Variants in NSMCE2 observed in about 807,000 individuals in gnomAD.
The protein encoded by NSMCE2 is NSE2 SUMO ligase component of SMC5/6 complex.
Under a neutral mutation model 23.8 loss-of-function variants are expected in NSMCE2, and 24 were observed. That is an observed-to-expected ratio of 1.01 (90% CI 0.73 to 1.42). The LOEUF (loss-of-function observed/expected upper bound fraction) is 1.42. Among genes scored for constraint, NSMCE2 ranks in the 40% most tolerant of loss-of-function variants. The pLI is 0.00. For missense variants in NSMCE2, 284 were observed against 296.5 expected (o/e 0.96, Z 0.31); for synonymous variants, 92 against 94.1 (o/e 0.98, Z 0.13).
chr8:125,146,344 C>A (rs1052309719), intron 3 of NSMCE2, among the ~76,000 whole-genome samples: 2 of 152,172 alleles, frequency 1.3e-5, no homozygotes, highest in Non-Finnish European at 2.9e-5. Context: ...CCTTTGTGGC[C>A]TTGAGCAAGT....
chr8:125,322,976 T>A (rs1448980216), intron 5 of NSMCE2, among the ~76,000 whole-genome samples: 1 of 152,168 alleles, frequency 6.6e-6, no homozygotes. Context: ...GGAGAATCGC[T>A]TGAACCCAGG....
At position 125,357,837 on chromosome 8, in the gene NSMCE2, G is replaced by C; in HGVS notation, c.626+19G>C. The C allele has an allele frequency of 6.4e-7, 1 of 1,552,398 alleles. No individual in the cohort carries two copies. The highest frequency in any genetic ancestry group is 2.2e-5 in the East Asian group (1 of 44,606). ...AGGCCTAGTGAGTGGACGCAGGGAA[G>C]GAAGTGGAGCCTTCCCTAGTGGTAG... is the stretch of plus-strand genomic sequence containing the variant. On this transcript the variant is annotated intron_variant, in intron 7 of 7. Coordinates refer to ENST00000287437, the MANE Select transcript of NSMCE2 (RefSeq NM_173685.4).
intron 5 of NSMCE2, among the ~76,000 whole-genome samples, chr8:125,317,646 A>G (rs149269868): frequency 6.6e-5 from 10 of 152,342 alleles, no homozygotes; most frequent in Admixed American, 1.3e-4. Context: ...GCATAAGCCA[A>G]TGTGAACTCA....
At chr8:125,356,284 G>T (rs1174050980) in intron 5 of NSMCE2, among the ~76,000 whole-genome samples, 2 of 150,498 alleles carry the variant, frequency 1.3e-5, no homozygotes, top group African/African-American at 4.9e-5. Flanking sequence ...AATGTTTATG[G>T]TAACACGTAG....
At chr8:125,321,012 G>T (rs977768389) in intron 5 of NSMCE2, among the ~76,000 whole-genome samples, 1 of 152,048 alleles carries the variant, frequency 6.6e-6, no homozygotes, top group African/African-American at 2.4e-5. Context: ...TTCAACCACC[G>T]GATCTCACAA....
At chr8:125,175,400 G>A (rs1822435897) in intron 4 of NSMCE2, among the ~76,000 whole-genome samples, 1 of 152,144 alleles carries the variant, frequency 6.6e-6, no homozygotes, top group Non-Finnish European at 1.5e-5. Context: ...TAAAAAGTTG[G>A]CATACTTAGA....
At chr8:125,225,213 T>C (rs1201030757) in intron 5 of NSMCE2, among the ~76,000 whole-genome samples, 1 of 152,208 alleles carries the variant, frequency 6.6e-6, no homozygotes, top group East Asian at 1.9e-4. Flanking sequence ...TAAACCAGTA[T>C]TGGGTTTTGC....
intron 5 of NSMCE2, among the ~76,000 whole-genome samples, chr8:125,205,382 G>T (rs1357119027): frequency 1.3e-5 from 2 of 152,144 alleles, no homozygotes; most frequent in Non-Finnish European, 2.9e-5. Flanking sequence ...TTTAAATAGT[G>T]TACTAAATGG....
chr8:125,286,458 G>A (rs1563763976), intron 5 of NSMCE2, among the ~76,000 whole-genome samples: 1 of 151,128 alleles, frequency 6.6e-6, no homozygotes, highest in East Asian at 1.9e-4. Flanking sequence ...GATTACAGGC[G>A]CCCACCACCA....
intron 4 of NSMCE2, among the ~76,000 whole-genome samples, chr8:125,163,876 G>GA (rs1821746424): frequency 6.6e-6 from 1 of 152,052 alleles, no homozygotes. Context: ...AATAAAAAAG[G>GA]AAAAAAGAGG....
At chr8:125,136,166 G>C (rs1020166909) in intron 3 of NSMCE2, among the ~76,000 whole-genome samples, 5 of 152,002 alleles carry the variant, frequency 3.3e-5, no homozygotes, top group Non-Finnish European at 5.9e-5. Context: ...CCTGTTAATG[G>C]CCAGTGGAAG....
intron 5 of NSMCE2, among the ~76,000 whole-genome samples, chr8:125,340,049 C>G (rs1451487705): frequency 1.5e-5 from 2 of 129,564 alleles, no homozygotes; most frequent in Non-Finnish European, 3.1e-5. Flanking sequence ...GAGTCTCGCT[C>G]TGTGGCCCAG....
chr8:125,151,927 T>A (rs1171844035), intron 4 of NSMCE2, among the ~76,000 whole-genome samples: 1 of 152,224 alleles, frequency 6.6e-6, no homozygotes, highest in Non-Finnish European at 1.5e-5. Flanking sequence ...AAACTCCCTG[T>A]TGAACTGATT....
At chr8:125,104,896 G>A (rs1409682924) in intron 3 of NSMCE2, among the ~76,000 whole-genome samples, 1 of 152,188 alleles carries the variant, frequency 6.6e-6, no homozygotes, top group Non-Finnish European at 1.5e-5. Context: ...GGTGGAGGAT[G>A]CCAGTAGTCC....
chr8:125,108,963 TA>T (rs1481602820), intron 3 of NSMCE2, among the ~76,000 whole-genome samples: 1 of 152,136 alleles, frequency 6.6e-6, no homozygotes, highest in Non-Finnish European at 1.5e-5. Flanking sequence ...AAAAATATGG[TA>T]AGATCCAGTT....
intron 5 of NSMCE2, among the ~76,000 whole-genome samples, chr8:125,236,353 C>T (rs559600506): frequency 6.8e-6 from 1 of 146,376 alleles, no homozygotes; most frequent in South Asian, 2.3e-4. Context: ...TGTAAAAGGA[C>T]GAGTTGCAAA....
intron 4 of NSMCE2, among the ~76,000 whole-genome samples, chr8:125,163,820 A>G (rs1821742615): frequency 6.6e-6 from 1 of 152,238 alleles, no homozygotes; most frequent in African/African-American, 2.4e-5. Context: ...TCTGGAACAC[A>G]GTTTCCCACA....
At chr8:125,180,142 G>A (rs1822727494) in intron 4 of NSMCE2, among the ~76,000 whole-genome samples, 1 of 152,152 alleles carries the variant, frequency 6.6e-6, no homozygotes, top group South Asian at 2.1e-4. Flanking sequence ...GTTCTATTAT[G>A]TAGAGGTAGA....
chr8:125,107,397 T>A (rs1260839765), intron 3 of NSMCE2, among the ~76,000 whole-genome samples: 1 of 152,036 alleles, frequency 6.6e-6, no homozygotes, highest in Non-Finnish European at 1.5e-5. Flanking sequence ...TTTCACCATG[T>A]TGTCCAGGGT....
Sources: allele counts gnomAD v4.1 joint callset (sites outside exome capture counted in the v4.1 genomes callset), GRCh38; gene constraint gnomAD v4.1.1; transcripts MANE v1.5; gene names NCBI Gene and HGNC (gene_info 2026-07-23, HGNC 2026-07-21).